Variants in OPRM1 observed in about 807,000 individuals in gnomAD.
OPRM1 encodes opioid receptor mu 1.
In OPRM1, 27 loss-of-function variants were observed where a neutral mutation model predicts 31.8. The ratio of observed to expected loss-of-function variants is 0.85; its 90% CI spans 0.63 to 1.17. OPRM1 has a LOEUF of 1.17. Ranked by LOEUF, OPRM1 falls within the 50% of genes most tolerant of loss-of-function variation. The pLI, the probability that OPRM1 is intolerant of heterozygous loss-of-function variation, is 0.00. For synonymous variants in OPRM1, 196 were observed against 189.9 expected, an observed-to-expected ratio of 1.03 and a Z score of -0.26; for missense variants, 536 against 511.1, an observed-to-expected ratio of 1.05 and a Z score of -0.47.
chr6:154,235,341 G>A (rs1488409083), intron 3 of OPRM1, among the ~76,000 whole-genome samples: 1 of 152,110 alleles, frequency 6.6e-6, no homozygotes. Flanking sequence ...GACCAGCCTG[G>A]CCCACATGGC....
intron 3 of OPRM1, among the ~76,000 whole-genome samples, chr6:154,214,962 G>C (rs1367629565): frequency 6.6e-6 from 1 of 152,184 alleles, no homozygotes; most frequent in African/African-American, 2.4e-5. Context: ...GGTTTACTTA[G>C]GAACATATCT....
chr6:154,120,789 AC>A lies in OPRM1; in HGVS notation c.*2069del, dbSNP rs374472023. On this transcript the variant is annotated 3_prime_UTR_variant, in exon 4 of 4. Transcript: ENST00000330432. The stretch of plus-strand genomic sequence containing the variant: ...TTTCTGCTTAATACCAGCTCCTAGT[AC>A]GAATTATCTGGCATGTTGAGAGCAA... Among the ~76,000 whole-genome samples, 76 of 152,324 alleles carry A rather than the reference AC, an allele frequency of 5.0e-4. No individual in the cohort carries two copies. The highest frequency in any genetic ancestry group is 1.8e-3 in the African/African-American group (74 of 41,578).
chr6:154,166,521 G>A (rs867566433), intron 3 of OPRM1, among the ~76,000 whole-genome samples: 12 of 152,260 alleles, frequency 7.9e-5, no homozygotes, highest in African/African-American at 2.4e-4. Flanking sequence ...CCTGACTCAC[G>A]GATTTCGTGA....
At chr6:154,064,282 G>A (rs1334903825) in intron 1 of OPRM1, among the ~76,000 whole-genome samples, 6 of 152,102 alleles carry the variant, frequency 3.9e-5, no homozygotes, top group Non-Finnish European at 5.9e-5. Context: ...CTTTTTTGGA[G>A]AAAAGTCTGA....
intron 1 of OPRM1, among the ~76,000 whole-genome samples, chr6:154,055,935 G>T (rs955710147): frequency 3.3e-5 from 5 of 152,140 alleles, no homozygotes; most frequent in Non-Finnish European, 5.9e-5. Context: ...GTCCCCAGCA[G>T]CACTGTTCAT....
rs80247714 is a variant in OPRM1 at position 154,064,451 on chromosome 6, C to T, written c.290+24617C>T. On this transcript the variant is annotated intron_variant, in intron 1 of 3. Coordinates refer to ENST00000330432, the MANE Select transcript of OPRM1 (RefSeq NM_000914.5). The stretch of plus-strand genomic sequence containing the variant: ...CATTCTGTAGGTTGCCTTTTTACTA[C>T]ATGGATAGTGTCCTTTGATTAACAA... Among the ~76,000 whole-genome samples the T allele has an allele frequency of 3.3e-5, 5 of 152,224 alleles. No individual in the cohort carries two copies. In the East Asian group the frequency reaches 9.7e-4, roughly 29 times the overall value.
At chr6:154,066,263 T>C (rs1785380050) in intron 1 of OPRM1, among the ~76,000 whole-genome samples, 1 of 152,162 alleles carries the variant, frequency 6.6e-6, no homozygotes, top group Admixed American at 6.5e-5. Flanking sequence ...TCTTTGATGT[T>C]AGGGTAATGC....
At chr6:154,047,513 G>T (rs1056219964) in intron 1 of OPRM1, among the ~76,000 whole-genome samples, 1 of 151,716 alleles carries the variant, frequency 6.6e-6, no homozygotes, top group African/African-American at 2.4e-5. Context: ...TTTAATATTT[G>T]CCTTTAGGTA....
At chr6:154,209,635 CTG>C (rs1342271480) in intron 3 of OPRM1, among the ~76,000 whole-genome samples, 1 of 128,788 alleles carries the variant, frequency 7.8e-6, no homozygotes, top group Non-Finnish European at 1.6e-5. Flanking sequence ...CAGACTGAGA[CTG>C]TGTCTCAAAA....
At chr6:154,180,428 C>T (rs1482192640) in intron 3 of OPRM1, among the ~76,000 whole-genome samples, 2 of 124,500 alleles carry the variant, frequency 1.6e-5, no homozygotes, top group African/African-American at 6.7e-5. Context: ...TTTTTTTAAA[C>T]ATGATCCTTC....
At chr6:154,094,938 C>A (rs1178582735) in intron 3 of OPRM1, among the ~76,000 whole-genome samples, 1 of 152,324 alleles carries the variant, frequency 6.6e-6, no homozygotes, top group Non-Finnish European at 1.5e-5. Flanking sequence ...GCCATTACTT[C>A]CTGAGGGCAG....
chr6:154,011,809 A>G (rs139152088), intron 1 of OPRM1, among the ~76,000 whole-genome samples: 3 of 152,210 alleles, frequency 2.0e-5, no homozygotes, highest in African/African-American at 7.2e-5. Flanking sequence ...TACAGATGGT[A>G]CTATTAAAAT....
intron 1 of OPRM1, among the ~76,000 whole-genome samples, chr6:154,012,786 G>A (rs1414272492): frequency 6.6e-6 from 1 of 152,104 alleles, no homozygotes. Flanking sequence ...TCTGGAGCCT[G>A]GGAAGTCCAA....
chr6:154,218,183 A>G (rs1286590831), intron 3 of OPRM1, among the ~76,000 whole-genome samples: 1 of 152,226 alleles, frequency 6.6e-6, no homozygotes, highest in Non-Finnish European at 1.5e-5. Flanking sequence ...AAAATGACAG[A>G]TGTTTCCTGG....
intron 3 of OPRM1, among the ~76,000 whole-genome samples, chr6:154,187,529 G>T (rs1324818828): frequency 6.6e-6 from 1 of 152,214 alleles, no homozygotes; most frequent in East Asian, 1.9e-4. Flanking sequence ...ACATGCTCCT[G>T]TTTCTAGCAT....
intron 3 of OPRM1, among the ~76,000 whole-genome samples, chr6:154,169,814 A>T (rs887897075): frequency 6.6e-6 from 1 of 152,308 alleles, no homozygotes; most frequent in South Asian, 2.1e-4. Flanking sequence ...AGAGATAAAC[A>T]TGTGCCTCTG....
chr6:154,102,867 C>T (rs1156427184), intron 3 of OPRM1, among the ~76,000 whole-genome samples: 3 of 147,458 alleles, frequency 2.0e-5, no homozygotes, highest in Non-Finnish European at 4.4e-5. Flanking sequence ...GTCTGATCCT[C>T]CTCTGAAAAT....
Position 154,121,181 on chromosome 6 carries a change from T to C in OPRM1, c.*2460T>C, listed in dbSNP as rs1190850847. On this transcript the variant is annotated 3_prime_UTR_variant, in exon 4 of 4. Transcript: ENST00000330432. Reference sequence around the variant, plus strand: ...CCTAAGGATGAGATTTCTTCCCAGGTTGGTATCCCAGAAATGCAGACTGTA... The same window carrying C: ...CCTAAGGATGAGATTTCTTCCCAGGCTGGTATCCCAGAAATGCAGACTGTA... Among the ~76,000 whole-genome samples, 1 of 152,212 alleles carries C rather than the reference T, an allele frequency of 6.6e-6. No individual in the cohort carries two copies. Among genetic ancestry groups the C allele is most frequent in the African/African-American group, 2.4e-5 (1 of 41,470 alleles).
chr6:154,202,108 T>C (rs1434825024), intron 3 of OPRM1, among the ~76,000 whole-genome samples: 2 of 152,236 alleles, frequency 1.3e-5, no homozygotes, highest in African/African-American at 4.8e-5. Context: ...ATTTACCTAA[T>C]GTGTACCCAA....
Sources: allele counts gnomAD v4.1 joint callset (sites outside exome capture counted in the v4.1 genomes callset), GRCh38; gene constraint gnomAD v4.1.1; transcripts MANE v1.5; gene names NCBI Gene and HGNC (gene_info 2026-07-23, HGNC 2026-07-21).